SLC5A1: variants seen among roughly 807,000 people sequenced by gnomAD.
SLC5A1 encodes sodium/glucose cotransporter 1.
Under a neutral mutation model 73.5 loss-of-function variants are expected in SLC5A1, and 42 were observed. That is an observed-to-expected ratio of 0.57 (90% CI 0.45 to 0.74). The LOEUF (loss-of-function observed/expected upper bound fraction) is 0.74, where lower values mean the gene tolerates loss of function less well. Ranked by LOEUF, SLC5A1 falls within the 30% of genes least tolerant of loss-of-function variation. The pLI is 0.00. For missense variants in SLC5A1, 634 were observed against 855.4 expected (o/e 0.74, Z 3.23); for synonymous variants, 300 against 317.4 (o/e 0.95, Z 0.58).
At chr22:32,063,961 A>C (rs997103280) in intron 2 of SLC5A1, among the ~76,000 whole-genome samples, 1 of 152,182 alleles carries the variant, frequency 6.6e-6, no homozygotes, top group Non-Finnish European at 1.5e-5. Flanking sequence ...CTCTTCTCAG[A>C]TAGTGAGTGG....
At chr22:32,084,830 A>G in intron 8 of SLC5A1, 70 bp from the exon 9 acceptor site, 3 of 1,606,518 alleles carry the variant, frequency 1.9e-6, no homozygotes, top group Non-Finnish European at 2.6e-6. Flanking sequence ...AAGATGGCGA[A>G]GCTAGGAAGT....
rs143346401 is a variant in SLC5A1 at position 32,073,963 on chromosome 22, G to C, written c.477+5363G>C. Among the ~76,000 whole-genome samples the C allele has an allele frequency of 4.5e-4, 68 of 152,320 alleles. No individual in the cohort carries two copies. The East Asian group carries it at 0.012, about 27-fold the overall frequency. The stretch of plus-strand genomic sequence containing the variant: ...GGACTGGAAAATGCTGGGAGGGCTA[G>C]AGAAATCGGGCTTTGGCTTCCTGAG... On this transcript the variant is annotated intron_variant, in intron 5 of 14. Coordinates refer to ENST00000266088, the MANE Select transcript of SLC5A1 (RefSeq NM_000343.4).
intron 5 of SLC5A1, among the ~76,000 whole-genome samples, chr22:32,076,927 G>A (rs2093991823): frequency 6.6e-6 from 1 of 152,158 alleles, no homozygotes; most frequent in Non-Finnish European, 1.5e-5. Flanking sequence ...AACACCCCTG[G>A]GCTAAATCCA....
intron 5 of SLC5A1, among the ~76,000 whole-genome samples, chr22:32,071,385 C>A (rs891281283): frequency 1.1e-4 from 16 of 152,164 alleles, no homozygotes; most frequent in African/African-American, 3.4e-4. Flanking sequence ...CCCAGGAATT[C>A]AAGGTTGTGA....
rs2093933071 is a variant in SLC5A1 at position 32,043,520 on chromosome 22, G to A, written c.135+104G>A. 6.2e-6 allele frequency: 8 copies of A among 1,300,622 alleles called. No homozygotes were observed. The highest frequency in any genetic ancestry group is 1.8e-4 in the Middle Eastern group (1 of 5,482). 80.6% of individuals were successfully genotyped at this position (1,300,622 alleles called of 1,614,324 possible). On this transcript the variant is annotated intron_variant, in intron 1 of 14. Transcript: ENST00000266088. This position sits in a 1 kb window ranked among gnomAD's most constrained non-coding sequence, Gnocchi z 6.5. ...CAGTAGGCTTAAGTGTCGGTGGAGGGGAGAGGAAATGACTTGGAAGCACTT... is the reference window on the plus strand; with the variant it reads ...CAGTAGGCTTAAGTGTCGGTGGAGGAGAGAGGAAATGACTTGGAAGCACTT...
intron 2 of SLC5A1, among the ~76,000 whole-genome samples, chr22:32,056,434 T>A (rs962709219): frequency 8.0e-6 from 1 of 125,016 alleles, no homozygotes; most frequent in Admixed American, 9.7e-5. Flanking sequence ...CATACCTTCC[T>A]GTCTTTTTTT....
At chr22:32,070,271 G>A (rs192530646) in intron 5 of SLC5A1, among the ~76,000 whole-genome samples, 4,264 of 61,818 alleles carry the variant, frequency 0.069, 149 homozygotes, top group Middle Eastern at 0.083. Flanking sequence ...TCCCCTCCCC[G>A]TCCCCCCTCC....
intron 5 of SLC5A1, 135 bp from the exon 6 acceptor site, chr22:32,081,731 G>T: frequency 1.4e-6 from 1 of 738,142 alleles, no homozygotes. Flanking sequence ...TTTTGACCAT[G>T]GAATTCTTTT....
Position 32,086,296 on chromosome 22 carries a change from T to C in SLC5A1, c.1098T>C (p.Tyr366=), listed in dbSNP as rs750822213. The change falls in exon 10 of 15, where the codon TAT becomes TAC. Residue 366 remains tyrosine (Y), a synonymous_variant. Transcript: ENST00000266088. ...GTKVGCTNIA[Y]PTLVVELMPN... ...AGGTTGGCTGTACCAACATCGCCTA[T>C]CCAACCTTAGTGGTGGAGCTCATGC... 2 of 1,613,650 alleles carry C rather than the reference T, an allele frequency of 1.2e-6. No individual in the cohort carries two copies. Among genetic ancestry groups the C allele is most frequent in the Non-Finnish European group, 8.5e-7 (1 of 1,179,546 alleles).
intron 10 of SLC5A1, among the ~76,000 whole-genome samples, chr22:32,090,129 A>C (rs928827018): frequency 2.6e-5 from 4 of 151,692 alleles, no homozygotes; most frequent in Non-Finnish European, 5.9e-5. Flanking sequence ...AAAAAAACTT[A>C]ATTGAGCTTA....
chr22:32,048,120 C>A (rs543922614), intron 1 of SLC5A1, among the ~76,000 whole-genome samples: 3 of 149,944 alleles, frequency 2.0e-5, no homozygotes, highest in African/African-American at 7.4e-5. Flanking sequence ...CTACTGCACT[C>A]CAGCCTGGGC....
chr22:32,060,139 A>ATG (rs1491393351), intron 2 of SLC5A1, among the ~76,000 whole-genome samples: 1 of 17,918 alleles, frequency 5.6e-5, no homozygotes, highest in African/African-American at 1.2e-4. Flanking sequence ...ACATATATAT[A>ATG]CACATACACA....
intron 2 of SLC5A1, among the ~76,000 whole-genome samples, chr22:32,060,899 T>C (rs1364043201): frequency 6.6e-6 from 1 of 152,122 alleles, no homozygotes; most frequent in African/African-American, 2.4e-5. Flanking sequence ...ATTGTGTAGT[T>C]ACAGACTGCA....
At position 32,111,010 on chromosome 22, in the gene SLC5A1, C is replaced by G. The variant is rs1371480814; in HGVS notation, c.*797C>G. On this transcript the variant is annotated 3_prime_UTR_variant, in exon 15 of 15. Transcript: ENST00000266088. The stretch of plus-strand genomic sequence containing the variant: ...GTGTTGAATAAATGAATGACATAGG[C>G]ATTTATTTTTAAATCTTTGCTTGCT... The G allele has an allele frequency of 6.6e-6, 1 of 152,226 alleles. No individual in the cohort carries two copies. The highest frequency in any genetic ancestry group is 1.5e-5 in the Non-Finnish European group (1 of 68,102). The allele number at this position is 152,226 out of a possible 1,614,324, so 9.4% of individuals were successfully genotyped here. A position where few individuals can be genotyped will look rare whatever the true frequency, so the allele number is the denominator to read the frequency against.
chr22:32,090,032 C>T (rs2094014430), intron 10 of SLC5A1, among the ~76,000 whole-genome samples: 1 of 145,882 alleles, frequency 6.9e-6, no homozygotes, highest in African/African-American at 2.5e-5. Flanking sequence ...TTTAACACAT[C>T]AAGAAATGAG....
intron 11 of SLC5A1, among the ~76,000 whole-genome samples, chr22:32,093,155 A>G (rs2094020790): frequency 1.3e-5 from 2 of 152,028 alleles, no homozygotes; most frequent in South Asian, 4.1e-4. Context: ...CTGTTTCATT[A>G]GTCTCTGTGC....
chr22:32,081,445 A>G (rs1253880509), intron 5 of SLC5A1, among the ~76,000 whole-genome samples: 1 of 152,108 alleles, frequency 6.6e-6, no homozygotes, highest in Non-Finnish European at 1.5e-5. Flanking sequence ...CAGCACTCAG[A>G]CTTGCTTTTG....
chr22:32,106,073 C>T lies in SLC5A1; in HGVS notation c.1771+1182C>T, dbSNP rs185121221. 3.2e-3 allele frequency among the ~76,000 whole-genome samples: 486 copies of T among 152,310 alleles called. 1 individual carries two copies. The highest frequency in any genetic ancestry group is 0.011 in the African/African-American group (463 of 41,560). ...GGAGTGCAGATATCTCTTCAATATA[C>T]TAATTTCCTTTCTTTTGGGCATATA... On this transcript the variant is annotated intron_variant, in intron 14 of 14. Transcript: ENST00000266088.
chr22:32,045,600 A>T (rs1253211069), intron 1 of SLC5A1, among the ~76,000 whole-genome samples: 1 of 152,232 alleles, frequency 6.6e-6, no homozygotes, highest in African/African-American at 2.4e-5. Flanking sequence ...CACACAGTCA[A>T]TGTCCCTCTG....
Sources: gnomAD v4.1 joint callset for allele counts (sites outside exome capture counted in the v4.1 genomes callset) on GRCh38, gnomAD v4.1.1 for gene constraint, Gnocchi (gnomAD v3.1) non-coding constraint, MANE v1.5 for transcripts, NCBI Gene and HGNC (gene_info 2026-07-23, HGNC 2026-07-21) for gene names.